MAP3K6: variants seen among roughly 807,000 people sequenced by gnomAD.
MAP3K6 encodes the protein mitogen-activated protein kinase kinase kinase 6, also known as apoptosis signal-regulating kinase 2.
A neutral mutation model predicts 147.1 loss-of-function variants in MAP3K6; 105 were observed. The ratio of observed to expected loss-of-function variants is 0.71; its 90% CI spans 0.61 to 0.84. MAP3K6 has a LOEUF of 0.84. MAP3K6 is among the 40% of genes least tolerant of loss of function. MAP3K6 has a pLI of 0.00. For missense variants in MAP3K6, 1,569 were observed against 1,715.0 expected (o/e 0.91, Z 1.50); for synonymous variants, 695 against 732.4 (o/e 0.95, Z 0.82).
In MAP3K6 at chr1:27,364,111, G is replaced by A. The variant is rs1405048551; in HGVS notation, c.696-26C>T. 4.4e-6 allele frequency: 7 copies of A among 1,606,598 alleles called. No homozygotes were observed. In the East Asian group the frequency reaches 1.6e-4, roughly 36 times the overall value. Reference sequence around the variant, plus strand: ...CTGATGCCCAGGGTAGGGGAGGCAGGGAGAGAGAATGGTGGGGCCTGTACC... The same window carrying A: ...CTGATGCCCAGGGTAGGGGAGGCAGAGAGAGAGAATGGTGGGGCCTGTACC... On this transcript the variant is annotated intron_variant, in intron 4 of 28. Transcript: ENST00000357582. This position sits in a 1 kb window ranked among gnomAD's most constrained non-coding sequence, Gnocchi z 4.4.
At position 27,364,279 on chromosome 1, in the gene MAP3K6, A is replaced by C. The variant is rs182712391; in HGVS notation, c.620T>G (p.Val207Gly). Reference sequence around the variant, plus strand: ...GGGAGTGAGCAGGGCCTCGGTCCCCACTCCAGCCTGTACCAGCCCATCAGC... The same window carrying C: ...GGGAGTGAGCAGGGCCTCGGTCCCCCCTCCAGCCTGTACCAGCCCATCAGC... ...GLADGLVQAG[V>G]GTEALLTPLV... The change falls in exon 4 of 29, where the codon GTG (valine) becomes GGG (glycine). Residue 207 changes from valine (V) to glycine (G), a missense_variant. Physicochemically the swap from Val to Gly is moderately radical, Grantham distance 109 (BLOSUM62 -3). Transcript: ENST00000357582. This position sits in a 1 kb window ranked among gnomAD's most constrained non-coding sequence, Gnocchi z 4.4. 5,957 of 1,613,534 alleles carry C rather than the reference A, an allele frequency of 3.7e-3. 314 individuals are homozygous for C. The Admixed American group carries it at 0.093, about 25-fold the overall frequency.
At position 27,360,774 on chromosome 1, in the gene MAP3K6, A is replaced by C; in HGVS notation, c.1985T>G (p.Val662Gly). ...LVLGKGTYGV[V>G]YAGRDRHTRV... ...CGTGTGGCGATCGCGGCCCGCGTAC[A>C]CCACCCCATACGTGCCCTTGCCCAG... The change falls in exon 15 of 29, where the codon GTG (valine) becomes GGG (glycine). Residue 662 changes from valine to glycine, a missense_variant. Physicochemically the swap from Val to Gly is moderately radical, Grantham distance 109. Transcript: ENST00000357582. The surrounding 1 kb of genome is among the most constrained non-coding windows in gnomAD (Gnocchi z 4.5). The C allele has an allele frequency of 6.2e-7, 1 of 1,612,494 alleles. No homozygotes were observed. Among genetic ancestry groups the C allele is most frequent in the Non-Finnish European group, 8.5e-7 (1 of 1,179,826 alleles).
rs1353490950 is a variant in MAP3K6 at position 27,360,209 on chromosome 1, G to A, written c.2182+32C>T. ...GCCTCGGTCCCATGCTTCACACCTCGGTTTCATTCCCATCCCACACAGGGC... is the reference window on the plus strand; with the variant it reads ...GCCTCGGTCCCATGCTTCACACCTCAGTTTCATTCCCATCCCACACAGGGC... On this transcript the variant is annotated intron_variant, in intron 16 of 28. Coordinates refer to ENST00000357582, the MANE Select transcript of MAP3K6 (RefSeq NM_004672.5). The surrounding 1 kb of genome is among the most constrained non-coding windows in gnomAD (Gnocchi z 4.5). 2.5e-6 allele frequency: 4 copies of A among 1,611,334 alleles called. No homozygotes were observed. The highest frequency in any genetic ancestry group is 3.3e-5 in the Admixed American group (2 of 59,856).
rs778874854 is a variant in MAP3K6, at chr1:27,362,962, A to G, written c.1031T>C (p.Leu344Pro). The change falls in exon 7 of 29, where the codon CTT becomes CCT. Residue 344 changes from leucine to proline, a missense_variant. By Grantham distance (98) the Leu-to-Pro change is moderately conservative. Coordinates refer to ENST00000357582, the MANE Select transcript of MAP3K6 (RefSeq NM_004672.5). ...CAGATCGGGCGCCACAGAGCCCTCA[A>G]GCTGTACCAGCGGCAGCAGCACAGA... ...ALSVLLPLVQ[L>P]EGSVAPDLYC... 2 of 1,614,082 alleles carry G rather than the reference A, an allele frequency of 1.2e-6. No individual in the cohort carries two copies. The highest frequency in any genetic ancestry group is 3.3e-5 in the Admixed American group (2 of 60,020).
chr1:27,366,536 A>C lies in MAP3K6; in HGVS notation c.62T>G (p.Leu21Arg). ...CCGGCCCCGGCTCAGCGCCACGGCC[A>C]GCGGGTCCTGCCAGCAGCTGCCGGC... ...ERAGSCWQDPLAVALSRGRQL... is the reference protein window; with the variant it reads ...ERAGSCWQDPRAVALSRGRQL... The change falls in exon 1 of 29, where the codon CTG becomes CGG. Residue 21 changes from leucine to arginine, a missense_variant. Physicochemically the swap from Leu to Arg is moderately radical, Grantham distance 102. Transcript: ENST00000357582. This position sits in a 1 kb window ranked among gnomAD's most constrained non-coding sequence, Gnocchi z 5.5. 3.6e-6 allele frequency: 4 copies of C among 1,101,688 alleles called. No individual in the cohort carries two copies. Among genetic ancestry groups the C allele is most frequent in the Non-Finnish European group, 4.4e-6 (4 of 906,106 alleles). The allele number at this position is 1,101,688 out of a possible 1,614,324, so 68.2% of individuals were successfully genotyped here. A position where few individuals can be genotyped will look rare whatever the true frequency, so the allele number is the denominator to read the frequency against.
Position 27,362,748 on chromosome 1 carries a change from C to T in MAP3K6, c.1148G>A (p.Arg383His), listed in dbSNP as rs750486175. 1.8e-5 allele frequency: 29 copies of T among 1,612,338 alleles called. No homozygotes were observed. The Admixed American group carries it at 2.7e-4, about 15-fold the overall frequency. Residue 383 changes from arginine (R) to histidine (H), a missense_variant, in exon 8 of 29, where the codon CGC becomes CAC. Physicochemically the swap from Arg to His is conservative, Grantham distance 29. Coordinates refer to ENST00000357582, the MANE Select transcript of MAP3K6 (RefSeq NM_004672.5). ...GCTGGGCTCTACGTCAAAAGCCTTG[C>T]GATACCTGGGGTGGGGGTAGGGGGC... Reference protein sequence around the residue: ...GHREQAYHWYRKAFDVEPSLH... With the variant: ...GHREQAYHWYHKAFDVEPSLH...
intron 5 of MAP3K6, among the ~76,000 whole-genome samples, 157 bp downstream of exon 5, chr1:27,363,760 T>C (rs1423984434): frequency 1.3e-5 from 2 of 152,234 alleles, no homozygotes; most frequent in Non-Finnish European, 2.9e-5. Context: ...GGCAGCGACA[T>C]GCTCATCCTC....
chr1:27,357,963 C>G, intron 21 of MAP3K6, 87 bp from the exon 22 acceptor site: 6 of 1,481,214 alleles, frequency 4.1e-6, no homozygotes, highest in Non-Finnish European at 5.4e-6. Flanking sequence ...GGCTCTCCTA[C>G]TTTTATGCCT....
chr1:27,365,000 C>CTG lies in MAP3K6; in HGVS notation c.341-90_341-89dup, dbSNP rs2148061198. On this transcript the variant is annotated intron_variant, in intron 1 of 28. Transcript: ENST00000357582. The surrounding 1 kb of genome is among the most constrained non-coding windows in gnomAD (Gnocchi z 4.4). ...GTCCATCCTGGCTTGACCTGCCTTGCTGTGGGACTCCAGTAGGGTCTGGTT... is the reference window on the plus strand; with the variant it reads ...GTCCATCCTGGCTTGACCTGCCTTGCTGTGTGGGACTCCAGTAGGGTCTGGTT... 7.1e-7 allele frequency: 1 copy of CTG among 1,399,950 alleles called. No individual in the cohort carries two copies. The highest frequency in any genetic ancestry group is 1.4e-5 in the African/African-American group (1 of 69,450). The allele number at this position is 1,399,950 out of a possible 1,614,324, so 86.7% of individuals were successfully genotyped here. A position where few individuals can be genotyped will look rare whatever the true frequency, so the allele number is the denominator to read the frequency against.
At position 27,357,888 on chromosome 1, in the gene MAP3K6, G is replaced by T. The variant is rs911705863; in HGVS notation, c.2916-12C>A. 2.5e-6 allele frequency: 4 copies of T among 1,573,778 alleles called. No homozygotes were observed. The highest frequency in any genetic ancestry group is 3.4e-6 in the Non-Finnish European group (4 of 1,165,648). ...GCTCCTCGGGCACCCTGGGCACAAG[G>T]GCGAGCTGCTGATTGAGGACGGGCA... is the stretch of plus-strand genomic sequence containing the variant. On this transcript the variant is annotated splice_polypyrimidine_tract_variant and intron_variant, in intron 21 of 28. Coordinates refer to ENST00000357582, the MANE Select transcript of MAP3K6 (RefSeq NM_004672.5).
rs2015989330 is a variant in MAP3K6 at position 27,366,421 on chromosome 1, G to T, written c.177C>A (p.Leu59=). 3 of 1,224,024 alleles carry T rather than the reference G, an allele frequency of 2.5e-6. No individual in the cohort carries two copies. The East Asian group carries it at 9.8e-5, about 40-fold the overall frequency. 75.8% of individuals were successfully genotyped at this position (1,224,024 alleles called of 1,614,324 possible). The change falls in exon 1 of 29, where the codon CTC becomes CTA. Residue 59 remains leucine, a synonymous_variant. Transcript: ENST00000357582. This position sits in a 1 kb window ranked among gnomAD's most constrained non-coding sequence, Gnocchi z 5.5. The part of the protein sequence containing the change: ...YVLTREPQPG[L]EPREGTEAEP... ...CCGCCTCGGTTCCCTCCCGAGGCTC[G>T]AGCCCGGGCTGCGGCTCCCGGGTCA...
At position 27,364,381 on chromosome 1, in the gene MAP3K6, C is replaced by A; in HGVS notation, c.518G>T (p.Ser173Ile). 2 of 1,613,996 alleles carry A rather than the reference C, an allele frequency of 1.2e-6. No individual in the cohort carries two copies. The highest frequency in any genetic ancestry group is 2.7e-5 in the African/African-American group (2 of 75,052). ...VFQKNSDCVG[S>I]YTLIPYVVTA... is the part of the protein sequence containing the mutation. Reference sequence around the variant, plus strand: ...CACCACATAGGGGATCAGTGTGTAGCTGCCAACGCAATCCTGGTGGGAGGG... The same window carrying A: ...CACCACATAGGGGATCAGTGTGTAGATGCCAACGCAATCCTGGTGGGAGGG... Residue 173 changes from serine (S) to isoleucine (I), a missense_variant, in exon 4 of 29, where the codon AGC becomes ATC. Coordinates refer to ENST00000357582, the MANE Select transcript of MAP3K6 (RefSeq NM_004672.5). This position sits in a 1 kb window ranked among gnomAD's most constrained non-coding sequence, Gnocchi z 4.4.
intron 6 of MAP3K6, 121 bp from the exon 7 acceptor site, chr1:27,363,142 T>G: frequency 1.1e-6 from 1 of 897,988 alleles, no homozygotes; most frequent in Non-Finnish European, 1.7e-6. Context: ...CTCAAAATGA[T>G]AATGACCCTG....
intron 13 of MAP3K6, 47 bp downstream of exon 13, chr1:27,361,110 C>CG (rs1557562118): frequency 1.1e-5 from 17 of 1,554,106 alleles, no homozygotes; most frequent in Non-Finnish European, 1.5e-5. Context: ...CACTCCCCCC[C>CG]GGGCATCCTG....
rs1157326162 is a variant in MAP3K6, at chr1:27,360,117, T to C, written c.2183-123A>G. On this transcript the variant is annotated intron_variant, in intron 16 of 28. Coordinates refer to ENST00000357582, the MANE Select transcript of MAP3K6 (RefSeq NM_004672.5). This position sits in a 1 kb window ranked among gnomAD's most constrained non-coding sequence, Gnocchi z 4.5. ...CCATCACCCAGCGCCACTCCTCAGC[T>C]AATTCTAGGCTACACCACCCACACG... is the stretch of plus-strand genomic sequence containing the variant. The C allele has an allele frequency of 3.8e-6, 6 of 1,576,498 alleles. No homozygotes were observed. Among genetic ancestry groups the C allele is most frequent in the Non-Finnish European group, 5.2e-6 (6 of 1,156,614 alleles).
Position 27,364,181 on chromosome 1 carries a change from C to A in MAP3K6, c.695+23G>T, listed in dbSNP as rs754762460. On this transcript the variant is annotated intron_variant, in intron 4 of 28. Coordinates refer to ENST00000357582, the MANE Select transcript of MAP3K6 (RefSeq NM_004672.5). The surrounding 1 kb of genome is among the most constrained non-coding windows in gnomAD (Gnocchi z 4.4). ...CCCTCACCAGCCCCCTCCTGGAGCA[C>A]CCTCCCTGGGGGCCTTCATTACCAA... 2 of 1,604,062 alleles carry A rather than the reference C, an allele frequency of 1.2e-6. No individual in the cohort carries two copies. The highest frequency in any genetic ancestry group is 1.7e-5 in the Admixed American group (1 of 59,718).
chr1:27,359,424 G>T lies in MAP3K6; in HGVS notation c.2418C>A (p.Thr806=), dbSNP rs771074591. The part of the protein sequence containing the change: ...RLAGITPCTE[T]FTGTLQYMAP... ...ACCCCCACACCTTGTTACCTGTGAA[G>T]GTCTCAGTGCAAGGTGTGATGCCTG... Residue 806 remains threonine (T), a synonymous_variant, in exon 18 of 29, where the codon ACC becomes ACA. Coordinates refer to ENST00000357582, the MANE Select transcript of MAP3K6 (RefSeq NM_004672.5). The surrounding 1 kb of genome is among the most constrained non-coding windows in gnomAD (Gnocchi z 4.4). The T allele has an allele frequency of 2.5e-6, 4 of 1,613,976 alleles. No homozygotes were observed. Among genetic ancestry groups the T allele is most frequent in the Middle Eastern group, 1.6e-4 (1 of 6,084 alleles).
rs1236660760 is a variant in MAP3K6, at chr1:27,364,924, G to A, written c.341-12C>T. ...CAGCACCACCACATCTGCAGGCACA[G>A]AGGGGGTGGCGCTGATCCCTGAAGC... is the stretch of plus-strand genomic sequence containing the variant. On this transcript the variant is annotated splice_polypyrimidine_tract_variant and intron_variant, in intron 1 of 28. Transcript: ENST00000357582. The surrounding 1 kb of genome is among the most constrained non-coding windows in gnomAD (Gnocchi z 4.4). 1.9e-6 allele frequency: 3 copies of A among 1,574,426 alleles called. No homozygotes were observed. Among genetic ancestry groups the A allele is most frequent in the Non-Finnish European group, 2.6e-6 (3 of 1,155,874 alleles).
intron 5 of MAP3K6, 146 bp downstream of exon 5, chr1:27,363,771 T>G: frequency 1.1e-6 from 1 of 896,362 alleles, no homozygotes; most frequent in Non-Finnish European, 1.7e-6. Context: ...GCTCATCCTC[T>G]CTAACAAATA....
Sources: allele counts gnomAD v4.1 joint callset (sites outside exome capture counted in the v4.1 genomes callset), GRCh38; gene constraint gnomAD v4.1.1; non-coding constraint Gnocchi (gnomAD v3.1); transcripts MANE v1.5; gene names NCBI Gene and HGNC (gene_info 2026-07-23, HGNC 2026-07-21).